The following HCN1 variants were observed in gnomAD, a reference collection of about 807,000 sequenced individuals.
The protein encoded by HCN1 is hyperpolarization activated cyclic nucleotide gated potassium channel 1.
A neutral mutation model predicts 78.9 loss-of-function variants in HCN1; 13 were observed. That is an observed-to-expected ratio of 0.16 (90% CI 0.11 to 0.26). The LOEUF (loss-of-function observed/expected upper bound fraction) is 0.26. Ranked by LOEUF, HCN1 falls within the 10% of genes least tolerant of loss-of-function variation. The probability of loss-of-function intolerance (pLI) is 1.00; values close to 1 mark genes in which losing one functional copy is unlikely to be tolerated. For missense variants in HCN1, 810 were observed against 1,154.3 expected (o/e 0.70, Z 4.32); for synonymous variants, 552 against 455.5 (o/e 1.21, Z -2.70).
At chr5:45,332,715 C>T (rs1746370260) in intron 5 of HCN1, among the ~76,000 whole-genome samples, 1 of 151,580 alleles carries the variant, frequency 6.6e-6, no homozygotes. Flanking sequence ...TTTTTAGATT[C>T]CACAAAAAAG....
chr5:45,540,612 G>T (rs1035775788), intron 2 of HCN1, among the ~76,000 whole-genome samples: 6 of 152,094 alleles, frequency 3.9e-5, no homozygotes, highest in African/African-American at 7.2e-5. Flanking sequence ...TTATAGGCAG[G>T]AGCCACCATG....
chr5:45,694,975 C>G (rs1739976951), intron 1 of HCN1: 1 of 152,168 alleles, frequency 6.6e-6, no homozygotes, highest in African/African-American at 2.4e-5. Context: ...CTGTCAACGC[C>G]CCCTCTCTCT....
In HCN1 at chr5:45,295,794, C is replaced by T. The variant is rs147082918; in HGVS notation, c.1618+7805G>A. ...TTCTTCTGCTTAACAATACTATGAA[C>T]TTGTCATGCTCAACTTATACAAATA... On this transcript the variant is annotated intron_variant, in intron 6 of 7. Coordinates refer to ENST00000303230, the MANE Select transcript of HCN1 (RefSeq NM_021072.4). Among the ~76,000 whole-genome samples, 315 of 152,052 alleles carry T rather than the reference C, an allele frequency of 2.1e-3. 2 individuals are homozygous for T. Among genetic ancestry groups the T allele is most frequent in the African/African-American group, 7.3e-3 (302 of 41,524 alleles).
intron 2 of HCN1, among the ~76,000 whole-genome samples, chr5:45,637,333 C>T (rs916619000): frequency 5.3e-5 from 8 of 151,972 alleles, no homozygotes; most frequent in Middle Eastern, 6.8e-3. Flanking sequence ...TTTTATTTAT[C>T]GGTTTGTCTA....
chr5:45,288,788 T>C (rs1745317219), intron 6 of HCN1, among the ~76,000 whole-genome samples: 1 of 152,016 alleles, frequency 6.6e-6, no homozygotes, highest in African/African-American at 2.4e-5. Context: ...GTTCTAGCAA[T>C]TTGGACCTTT....
intron 1 of HCN1, among the ~76,000 whole-genome samples, chr5:45,680,907 C>T (rs1325682049): frequency 6.6e-6 from 1 of 151,796 alleles, no homozygotes; most frequent in African/African-American, 2.4e-5. Context: ...AAATTCTTAC[C>T]CTTTTTGAAG....
At chr5:45,695,122 A>T (rs1057006253) in intron 1 of HCN1, 1 of 153,558 alleles carries the variant, frequency 6.5e-6, no homozygotes, top group Non-Finnish European at 1.4e-5. Context: ...CTGAGTAAAC[A>T]CAGCGAGGAT....
chr5:45,467,846 A>T (rs1056326101), intron 2 of HCN1, among the ~76,000 whole-genome samples: 4 of 152,148 alleles, frequency 2.6e-5, no homozygotes, highest in African/African-American at 9.7e-5. Context: ...AAACATTTTA[A>T]TTGAAAAAGA....
At chr5:45,372,899 G>C (rs866576107) in intron 4 of HCN1, among the ~76,000 whole-genome samples, 6 of 139,356 alleles carry the variant, frequency 4.3e-5, no homozygotes, top group African/African-American at 1.6e-4. Flanking sequence ...AAATATGTAC[G>C]TATTCTATAC....
chr5:45,352,980 A>G, intron 5 of HCN1, 120 bp downstream of exon 5: 1 of 805,574 alleles, frequency 1.2e-6, no homozygotes, highest in East Asian at 2.6e-5. Context: ...GAAGATAAGG[A>G]CAAAATATCT....
chr5:45,268,947 T>TA (rs1436236453), intron 6 of HCN1, among the ~76,000 whole-genome samples: 1 of 152,234 alleles, frequency 6.6e-6, no homozygotes, highest in African/African-American at 2.4e-5. Flanking sequence ...ACTAAAGTAC[T>TA]AATGCCATAT....
intron 4 of HCN1, among the ~76,000 whole-genome samples, chr5:45,354,176 C>A (rs1371640594): frequency 6.6e-6 from 1 of 151,754 alleles, no homozygotes; most frequent in South Asian, 2.1e-4. Flanking sequence ...TCATCCAAGA[C>A]CTATGGAATA....
At chr5:45,326,299 A>G (rs1290840410) in intron 5 of HCN1, among the ~76,000 whole-genome samples, 1 of 151,676 alleles carries the variant, frequency 6.6e-6, no homozygotes, top group African/African-American at 2.4e-5. Flanking sequence ...AGAAATTTAT[A>G]TATGTATTCC....
chr5:45,696,108 GC>G lies in HCN1; in HGVS notation c.-16del. 1 of 1,325,174 alleles carries G rather than the reference GC, an allele frequency of 7.5e-7. No individual in the cohort carries two copies. Among genetic ancestry groups the G allele is most frequent in the South Asian group, 1.5e-5 (1 of 65,484 alleles). 82.1% of individuals were successfully genotyped at this position (1,325,174 alleles called of 1,614,324 possible). On this transcript the variant is annotated 5_prime_UTR_variant, in exon 1 of 8. Transcript: ENST00000303230. ...CCTCCTTCCATGCCCGGAGGACGCG[GC>G]CGGCGACGGCGCGGGCTCCAGACTC...
chr5:45,502,305 T>TAA (rs541179390), intron 2 of HCN1, among the ~76,000 whole-genome samples: 1 of 136,702 alleles, frequency 7.3e-6, no homozygotes, highest in African/African-American at 2.7e-5. Context: ...CCATCTCTAC[T>TAA]AAAAAAAAAA....
chr5:45,355,107 C>G (rs1746982936), intron 4 of HCN1, among the ~76,000 whole-genome samples: 1 of 151,952 alleles, frequency 6.6e-6, no homozygotes, highest in Admixed American at 6.6e-5. Flanking sequence ...AGTCATTTAA[C>G]CCTTCCAGAT....
intron 5 of HCN1, among the ~76,000 whole-genome samples, chr5:45,316,764 C>A (rs973294904): frequency 6.6e-6 from 1 of 152,046 alleles, no homozygotes; most frequent in Non-Finnish European, 1.5e-5. Flanking sequence ...TTCTTATACA[C>A]CAATAACAGA....
intron 3 of HCN1, among the ~76,000 whole-genome samples, chr5:45,450,845 G>A (rs1461405247): frequency 6.6e-6 from 1 of 152,130 alleles, no homozygotes; most frequent in African/African-American, 2.4e-5. Flanking sequence ...TATCTCCTTT[G>A]CAAGAAATAG....
intron 5 of HCN1, among the ~76,000 whole-genome samples, chr5:45,346,087 A>G (rs34835217): frequency 0.18 from 26,623 of 152,110 alleles, 2,570 homozygotes; most frequent in East Asian, 0.33. Flanking sequence ...AAGGGATAAA[A>G]GCACCTTTTA....
Sources: gnomAD v4.1 joint callset for allele counts (sites outside exome capture counted in the v4.1 genomes callset) on GRCh38, gnomAD v4.1.1 for gene constraint, MANE v1.5 for transcripts, NCBI Gene and HGNC (gene_info 2026-07-23, HGNC 2026-07-21) for gene names.